STAU2: variants seen among roughly 807,000 people sequenced by gnomAD.
The protein encoded by STAU2 is double-stranded RNA-binding protein Staufen homolog 2.
STAU2 carries 20 observed loss-of-function variants against 65.9 expected under a neutral mutation model. That is an observed-to-expected ratio of 0.30 (90% CI 0.21 to 0.44). The LOEUF (loss-of-function observed/expected upper bound fraction) is 0.44, where lower values mean the gene tolerates loss of function less well. STAU2 is among the 20% of genes least tolerant of loss of function. The pLI is 1.00. For missense variants in STAU2, 558 were observed against 683.9 expected, an observed-to-expected ratio of 0.82 and a Z score of 2.05; for synonymous variants, 232 against 233.9, an observed-to-expected ratio of 0.99 and a Z score of 0.07.
chr8:73,618,805 G>A (rs960599376), intron 6 of STAU2, among the ~76,000 whole-genome samples: 3 of 152,220 alleles, frequency 2.0e-5, no homozygotes, highest in African/African-American at 7.2e-5. Context: ...ATTGTTTCTA[G>A]ATGAATTTTG....
chr8:73,742,782 T>C (rs762967232), intron 1 of STAU2, among the ~76,000 whole-genome samples: 2 of 152,084 alleles, frequency 1.3e-5, no homozygotes, highest in Non-Finnish European at 1.5e-5. Flanking sequence ...GTAACTGCAA[T>C]GTACTGCTGA....
intron 13 of STAU2, chr8:73,551,201 A>G (rs1807312091): frequency 1.0e-6 from 1 of 987,454 alleles, no homozygotes; most frequent in South Asian, 4.7e-5. Context: ...ATTCTTTCAA[A>G]AGCTCCAATG....
At chr8:73,666,724 C>T (rs12334800) in intron 6 of STAU2, among the ~76,000 whole-genome samples, 11,037 of 152,194 alleles carry the variant, frequency 0.073, 441 homozygotes, top group Middle Eastern at 0.14. Context: ...TTGTTCCAAA[C>T]TGAGTGTTAA....
Position 73,688,663 on chromosome 8 carries a change from T to C in STAU2, c.265A>G (p.Asn89Asp). Residue 89 changes from asparagine to aspartate, a missense_variant, in exon 5 of 15, where the codon AAT becomes GAT. Around this residue, in one of 3 missense-constraint regions of STAU2, gnomAD observed 112 missense variants for 114.2 expected, o/e 0.98. Coordinates refer to ENST00000524300, the MANE Select transcript of STAU2 (RefSeq NM_001164380.2). ...VQKPPKSNVN[N>D]NPGSITPTVE... Reference sequence around the variant, plus strand: ...GGAGTCACTGCCATACCTGGGTTATTGTTAACATTACTTTTGGGTGGCTTC... The same window carrying C: ...GGAGTCACTGCCATACCTGGGTTATCGTTAACATTACTTTTGGGTGGCTTC... 1 of 1,614,102 alleles carries C rather than the reference T, an allele frequency of 6.2e-7. No individual in the cohort carries two copies. The highest frequency in any genetic ancestry group is 8.5e-7 in the Non-Finnish European group (1 of 1,180,010).
intron 4 of STAU2, among the ~76,000 whole-genome samples, chr8:73,692,537 G>C (rs1341344366): frequency 6.6e-6 from 1 of 152,154 alleles, no homozygotes; most frequent in Non-Finnish European, 1.5e-5. Flanking sequence ...ATATACTTTA[G>C]AATATCCTTT....
At chr8:73,606,239 TAAAATA>T (rs1306890361) in intron 9 of STAU2, among the ~76,000 whole-genome samples, 1 of 151,516 alleles carries the variant, frequency 6.6e-6, no homozygotes, top group Non-Finnish European at 1.5e-5. Flanking sequence ...TAAATAATAA[TAAAATA>T]AACATAATAA....
At chr8:73,657,686 A>G (rs1563487211) in intron 6 of STAU2, among the ~76,000 whole-genome samples, 1 of 152,056 alleles carries the variant, frequency 6.6e-6, no homozygotes, top group Non-Finnish European at 1.5e-5. Context: ...TGTCTTTACC[A>G]GGTTTAGGTG....
chr8:73,480,556 T>C (rs1418044718), intron 13 of STAU2, among the ~76,000 whole-genome samples: 1 of 152,140 alleles, frequency 6.6e-6, no homozygotes, highest in African/African-American at 2.4e-5. Flanking sequence ...GTCCAATGGA[T>C]GACTTAAAAT....
At chr8:73,533,472 G>A (rs1805964107) in intron 13 of STAU2, among the ~76,000 whole-genome samples, 2 of 152,238 alleles carry the variant, frequency 1.3e-5, no homozygotes, top group South Asian at 4.1e-4. Context: ...AGTTTGATAT[G>A]TACTCTTCTA....
chr8:73,426,658 G>A (rs62510889), intron 13 of STAU2, among the ~76,000 whole-genome samples: 6,250 of 152,140 alleles, frequency 0.041, 159 homozygotes, highest in African/African-American at 0.068. Context: ...TTTTACGGCC[G>A]AGTAGTATTC....
In STAU2 at chr8:73,529,029, T is replaced by C. The variant is rs373474469; in HGVS notation, c.1530+22983A>G. On this transcript the variant is annotated intron_variant, in intron 13 of 14. Coordinates refer to ENST00000524300, the MANE Select transcript of STAU2 (RefSeq NM_001164380.2). ...GTAGGGAAACTTCTTCCTGGGAATC[T>C]ATAAAAGTAGTTTAGAGCTCAAATC... 6.3e-4 allele frequency among the ~76,000 whole-genome samples: 96 copies of C among 152,228 alleles called. No homozygotes were observed. In the South Asian group the frequency reaches 0.019, roughly 30 times the overall value.
intron 13 of STAU2, among the ~76,000 whole-genome samples, chr8:73,436,006 G>A (rs1817655888): frequency 6.6e-6 from 1 of 151,852 alleles, no homozygotes; most frequent in Non-Finnish European, 1.5e-5. Flanking sequence ...TTTGATATTC[G>A]ACTCCAACAA....
At chr8:73,640,705 T>C (rs1286827638) in intron 6 of STAU2, among the ~76,000 whole-genome samples, 2 of 152,166 alleles carry the variant, frequency 1.3e-5, no homozygotes, top group Admixed American at 6.5e-5. Flanking sequence ...TCATGGGACA[T>C]ACATAAAAAG....
intron 6 of STAU2, 84 bp from the exon 7 acceptor site, chr8:73,617,535 A>G: frequency 1.5e-6 from 2 of 1,323,276 alleles, no homozygotes; most frequent in Non-Finnish European, 2.1e-6. Context: ...AAATGATACC[A>G]ATTATATAAT....
At chr8:73,610,412 C>T (rs1050206475) in intron 9 of STAU2, among the ~76,000 whole-genome samples, 2 of 151,814 alleles carry the variant, frequency 1.3e-5, no homozygotes, top group African/African-American at 4.8e-5. Context: ...GTGGCACATG[C>T]CTAGTCCCAG....
At chr8:73,659,389 T>C (rs1816655725) in intron 6 of STAU2, among the ~76,000 whole-genome samples, 1 of 151,974 alleles carries the variant, frequency 6.6e-6, no homozygotes, top group Non-Finnish European at 1.5e-5. Flanking sequence ...AACACAAAAT[T>C]AGCCTGGCAT....
At chr8:73,568,770 T>C (rs984808929) in intron 12 of STAU2, among the ~76,000 whole-genome samples, 1 of 152,168 alleles carries the variant, frequency 6.6e-6, no homozygotes, top group Admixed American at 6.5e-5. Flanking sequence ...TCAGTATAAG[T>C]AACAGATGGA....
chr8:73,708,788 A>C (rs1247096100), intron 4 of STAU2, among the ~76,000 whole-genome samples: 2 of 152,166 alleles, frequency 1.3e-5, no homozygotes, highest in Non-Finnish European at 2.9e-5. Context: ...GGAAATCAAA[A>C]ATCCATATAT....
At chr8:73,433,615 C>T (rs1013952895) in intron 13 of STAU2, among the ~76,000 whole-genome samples, 128 of 151,484 alleles carry the variant, frequency 8.4e-4, no homozygotes, top group African/African-American at 3.0e-3. Context: ...ATTCTTGTGC[C>T]TCAGCCTCCC....
Sources: gnomAD v4.1 joint callset for allele counts (sites outside exome capture counted in the v4.1 genomes callset) on GRCh38, gnomAD v4.1.1 for gene constraint, gnomAD v4.1.1 regional missense constraint, MANE v1.5 for transcripts, NCBI Gene and HGNC (gene_info 2026-07-23, HGNC 2026-07-21) for gene names.